The following DNAAF9 variants were observed in gnomAD, a reference collection of about 807,000 sequenced individuals.
The protein encoded by DNAAF9 is shulin.
DNAAF9 carries 90 observed loss-of-function variants against 167.0 expected under a neutral mutation model. The ratio of observed to expected loss-of-function variants is 0.54; its 90% CI spans 0.45 to 0.64. The LOEUF is 0.64. Among genes scored for constraint, DNAAF9 ranks in the 30% least tolerant of loss-of-function variants. DNAAF9 has a pLI of 0.00. For missense variants in DNAAF9, 1,315 were observed against 1,442.2 expected (o/e 0.91, Z 1.43); for synonymous variants, 491 against 508.8 (o/e 0.96, Z 0.47).
intron 7 of DNAAF9, among the ~76,000 whole-genome samples, chr20:3,350,146 CAGACACACAG>C (rs749389672): frequency 0.072 from 7,837 of 108,198 alleles, 258 homozygotes; most frequent in East Asian, 0.11. Context: ...CACAGACACA[CAGACACACAG>C]ACACACACAC....
chr20:3,278,863 C>A (rs2068717878), intron 29 of DNAAF9, 49 bp downstream of exon 29: 1 of 1,306,046 alleles, frequency 7.7e-7, no homozygotes, highest in Non-Finnish European at 1.1e-6. Context: ...TTGCTGAATT[C>A]TACTGAACTT....
At chr20:3,296,701 C>G in intron 23 of DNAAF9, 160 bp downstream of exon 23, 2 of 645,582 alleles carry the variant, frequency 3.1e-6, no homozygotes, top group African/African-American at 1.8e-5. Flanking sequence ...TTCTATTCCC[C>G]CAAGGGCACC....
chr20:3,362,205 G>C, intron 6 of DNAAF9: 1 of 1,434,728 alleles, frequency 7.0e-7, no homozygotes, highest in Non-Finnish European at 9.7e-7. Context: ...TCATGTCTTC[G>C]TAATCTTCTA....
chr20:3,322,246 T>C lies in DNAAF9; in HGVS notation c.1327A>G (p.Ser443Gly), dbSNP rs746839059. 1.2e-6 allele frequency: 2 copies of C among 1,609,756 alleles called. No homozygotes were observed. The highest frequency in any genetic ancestry group is 2.2e-5 in the South Asian group (2 of 90,470). ...NNQGRIVPLDSEDSLSFVKTA... is the reference protein window; with the variant it reads ...NNQGRIVPLDGEDSLSFVKTA... ...TTCACAAAGGATAAGCTATCTTCACTGTCCAGCGGTACAATTCTAGGAGGG... is the reference window on the plus strand; with the variant it reads ...TTCACAAAGGATAAGCTATCTTCACCGTCCAGCGGTACAATTCTAGGAGGG... The change falls in exon 16 of 37, where the codon AGT (serine) becomes GGT (glycine). Residue 443 changes from serine to glycine, a missense_variant. Physicochemically the swap from Ser to Gly is moderately conservative, Grantham distance 56. Transcript: ENST00000252032.
chr20:3,375,504 C>T (rs186856321), intron 4 of DNAAF9, among the ~76,000 whole-genome samples: 5 of 152,102 alleles, frequency 3.3e-5, no homozygotes, highest in Non-Finnish European at 2.9e-5. Context: ...GAAAAGGGCC[C>T]AAAGGGAAAG....
At chr20:3,256,439 G>C (rs1012182355) in intron 33 of DNAAF9, among the ~76,000 whole-genome samples, 2 of 152,174 alleles carry the variant, frequency 1.3e-5, no homozygotes, top group Non-Finnish European at 2.9e-5. Context: ...TTGAGCCCAG[G>C]AATTCAAGGC....
intron 27 of DNAAF9, among the ~76,000 whole-genome samples, chr20:3,283,232 G>A (rs894802427): frequency 6.6e-6 from 1 of 152,216 alleles, no homozygotes; most frequent in Non-Finnish European, 1.5e-5. Flanking sequence ...AGATGGGCCT[G>A]GTTTAGCCTG....
At chr20:3,264,918 C>T (rs2068459974) in intron 30 of DNAAF9, among the ~76,000 whole-genome samples, 1 of 152,170 alleles carries the variant, frequency 6.6e-6, no homozygotes, top group South Asian at 2.1e-4. Flanking sequence ...CCCCTAAATA[C>T]ATACAAGCAT....
At chr20:3,371,603 A>G (rs527985661) in intron 6 of DNAAF9, among the ~76,000 whole-genome samples, 49 of 152,146 alleles carry the variant, frequency 3.2e-4, no homozygotes, top group Non-Finnish European at 4.9e-4. Context: ...TCGGCCTCCC[A>G]AAGTGCTGGG....
At chr20:3,401,229 A>G (rs2083978904) in intron 1 of DNAAF9, among the ~76,000 whole-genome samples, 1 of 151,988 alleles carries the variant, frequency 6.6e-6, no homozygotes, top group Non-Finnish European at 1.5e-5. Context: ...TTTTTGAGAC[A>G]GAGTCTTACT....
At chr20:3,280,350 G>A (rs991804254) in intron 28 of DNAAF9, among the ~76,000 whole-genome samples, 2 of 151,958 alleles carry the variant, frequency 1.3e-5, no homozygotes, top group Admixed American at 6.6e-5. Context: ...ATCACCTGAC[G>A]TTGGAAGTTC....
intron 9 of DNAAF9, among the ~76,000 whole-genome samples, chr20:3,343,248 C>T (rs1054108604): frequency 4.6e-5 from 7 of 152,074 alleles, no homozygotes; most frequent in African/African-American, 9.7e-5. Flanking sequence ...CTGCAACCTC[C>T]GCCTCCTGGG....
chr20:3,396,797 T>C (rs1184363547), intron 1 of DNAAF9, among the ~76,000 whole-genome samples: 1 of 152,142 alleles, frequency 6.6e-6, no homozygotes, highest in Non-Finnish European at 1.5e-5. Flanking sequence ...GGGGGAAGAT[T>C]AGTTAAGGTC....
At chr20:3,333,874 C>T (rs1386583665) in intron 10 of DNAAF9, among the ~76,000 whole-genome samples, 2 of 152,162 alleles carry the variant, frequency 1.3e-5, no homozygotes, top group Non-Finnish European at 2.9e-5. Context: ...GGGATCTATA[C>T]ACAGAGTCAA....
At chr20:3,328,202 G>C (rs2069750956) in intron 12 of DNAAF9, among the ~76,000 whole-genome samples, 1 of 129,640 alleles carries the variant, frequency 7.7e-6, no homozygotes, top group African/African-American at 3.3e-5. Flanking sequence ...TTTTTTTTGA[G>C]ATGGAGTCTT....
At chr20:3,366,641 G>C (rs1180544716) in intron 6 of DNAAF9, among the ~76,000 whole-genome samples, 1 of 152,122 alleles carries the variant, frequency 6.6e-6, no homozygotes, top group Non-Finnish European at 1.5e-5. Flanking sequence ...GAAAGTCCTA[G>C]AGGCTGGGCG....
At chr20:3,404,855 G>C (rs2084034704) in intron 1 of DNAAF9, among the ~76,000 whole-genome samples, 1 of 152,190 alleles carries the variant, frequency 6.6e-6, no homozygotes, top group Non-Finnish European at 1.5e-5. Context: ...GATCCAGATA[G>C]GTTAGTTTAT....
chr20:3,391,474 G>C (rs969611144), intron 1 of DNAAF9, among the ~76,000 whole-genome samples: 1 of 150,870 alleles, frequency 6.6e-6, no homozygotes, highest in Admixed American at 6.6e-5. Context: ...TATTTTGAGG[G>C]AAAAAAAGGA....
At chr20:3,327,290 C>T (rs1469434746) in intron 12 of DNAAF9, among the ~76,000 whole-genome samples, 1 of 152,124 alleles carries the variant, frequency 6.6e-6, no homozygotes, top group Non-Finnish European at 1.5e-5. Flanking sequence ...ACCAGCATCC[C>T]TACCCACTAG....
Sources: gnomAD v4.1 joint callset for allele counts (sites outside exome capture counted in the v4.1 genomes callset) on GRCh38, gnomAD v4.1.1 for gene constraint, MANE v1.5 for transcripts, NCBI Gene and HGNC (gene_info 2026-07-23, HGNC 2026-07-21) for gene names.